Variants in DLGAP2 observed in about 807,000 individuals in gnomAD.
DLGAP2 encodes the protein disks large-associated protein 2.
DLGAP2 carries 26 observed loss-of-function variants against 100.3 expected under a neutral mutation model. The ratio of observed to expected loss-of-function variants is 0.26; its 90% confidence interval spans 0.19 to 0.36. The LOEUF (loss-of-function observed/expected upper bound fraction) is 0.36. DLGAP2 is among the 10% of genes least tolerant of loss of function. The pLI is 1.00. For synonymous variants in DLGAP2, 886 were observed against 630.1 expected (o/e 1.41, Z -6.08); for missense variants, 1,858 against 1,453.2 (o/e 1.28, Z -4.53).
At chr8:1,701,092 G>C in intron 14 of DLGAP2, 96 bp from the exon 15 acceptor site, 2 of 1,157,832 alleles carry the variant, frequency 1.7e-6, no homozygotes, top group Non-Finnish European at 2.4e-6. Flanking sequence ...GGCTGCGGTC[G>C]GGAAGGGTCA....
chr8:1,062,535 C>T (rs534118698), intron 2 of DLGAP2, among the ~76,000 whole-genome samples: 37 of 152,320 alleles, frequency 2.4e-4, no homozygotes, highest in African/African-American at 8.2e-4. Context: ...CTGGAACGTC[C>T]ACTTCCCCTG....
intron 3 of DLGAP2, among the ~76,000 whole-genome samples, chr8:1,441,650 T>C: frequency 7.0e-6 from 1 of 142,540 alleles, no homozygotes; most frequent in South Asian, 2.2e-4. Flanking sequence ...ATCACACCAC[T>C]GCACTCCAGC....
intron 14 of DLGAP2, among the ~76,000 whole-genome samples, chr8:1,700,354 CCT>C (rs1799532615): frequency 6.6e-6 from 1 of 151,926 alleles, no homozygotes; most frequent in Non-Finnish European, 1.5e-5. Flanking sequence ...ACGGAGAGTC[CCT>C]GTCATGGCTC....
At chr8:1,194,032 T>C (rs1797697742) in intron 2 of DLGAP2, among the ~76,000 whole-genome samples, 1 of 152,076 alleles carries the variant, frequency 6.6e-6, no homozygotes, top group South Asian at 2.1e-4. Context: ...CGGGACCAAA[T>C]CCACGTACTG....
At chr8:1,599,357 G>A (rs1796554071) in intron 6 of DLGAP2, among the ~76,000 whole-genome samples, 1 of 152,182 alleles carries the variant, frequency 6.6e-6, no homozygotes, top group Non-Finnish European at 1.5e-5. Context: ...AGGGTGGAGA[G>A]TTATGTAGAT....
At chr8:1,529,862 A>T (rs1209362970) in intron 4 of DLGAP2, among the ~76,000 whole-genome samples, 1 of 152,220 alleles carries the variant, frequency 6.6e-6, no homozygotes, top group East Asian at 1.9e-4. Context: ...GGTACGTTCC[A>T]TGATGCCCCA....
chr8:1,667,759 A>G (rs1798581838), intron 8 of DLGAP2, among the ~76,000 whole-genome samples: 1 of 152,212 alleles, frequency 6.6e-6, no homozygotes, highest in Non-Finnish European at 1.5e-5. Flanking sequence ...TTCTGAACCT[A>G]GTGTGATAGA....
intron 2 of DLGAP2, among the ~76,000 whole-genome samples, chr8:1,156,544 A>C (rs975599530): frequency 4.6e-5 from 7 of 151,438 alleles, no homozygotes; most frequent in Admixed American, 3.3e-4. Flanking sequence ...GACTCCCCCA[A>C]ATCCCGGCCA....
At chr8:1,171,990 A>T (rs2116678940) in intron 2 of DLGAP2, among the ~76,000 whole-genome samples, 1 of 152,192 alleles carries the variant, frequency 6.6e-6, no homozygotes, top group Non-Finnish European at 1.5e-5. Context: ...GATGGTCTTT[A>T]CATTTTGGCA....
intron 3 of DLGAP2, among the ~76,000 whole-genome samples, chr8:1,374,786 G>A (rs76287713): frequency 1.8e-4 from 28 of 152,292 alleles, no homozygotes; most frequent in East Asian, 7.7e-4. Context: ...GGCACCTAAC[G>A]TCAAGGCTTC....
intron 2 of DLGAP2, among the ~76,000 whole-genome samples, chr8:1,092,407 C>T (rs762615226): frequency 6.6e-6 from 1 of 152,220 alleles, no homozygotes; most frequent in Non-Finnish European, 1.5e-5. Flanking sequence ...GTCAGCGATC[C>T]CGGGGCTGGC....
chr8:881,680 CACT>C (rs1797800074), intron 1 of DLGAP2, among the ~76,000 whole-genome samples: 1 of 53,452 alleles, frequency 1.9e-5, no homozygotes, highest in African/African-American at 6.3e-5. Context: ...CACACACACA[CACT>C]TTTTTTTTTT....
At chr8:1,439,384 C>T (rs1797757859) in intron 3 of DLGAP2, among the ~76,000 whole-genome samples, 2 of 152,150 alleles carry the variant, frequency 1.3e-5, no homozygotes, top group South Asian at 2.1e-4. Context: ...CACGGTCCTG[C>T]CGTGTACCCT....
intron 2 of DLGAP2, among the ~76,000 whole-genome samples, chr8:975,829 C>G (rs1228194516): frequency 1.3e-5 from 2 of 152,112 alleles, no homozygotes; most frequent in Non-Finnish European, 2.9e-5. Flanking sequence ...GCAAAACACT[C>G]TTACCATGTT....
intron 2 of DLGAP2, among the ~76,000 whole-genome samples, chr8:962,002 TG>T (rs909714599): frequency 1.3e-4 from 20 of 152,236 alleles, no homozygotes; most frequent in Non-Finnish European, 7.3e-5. Context: ...CACAGAGATT[TG>T]ATTGGTTTCA....
At position 1,073,903 on chromosome 8, in the gene DLGAP2, C is replaced by T. The variant is rs988120052; in HGVS notation, c.73+165937C>T. The stretch of plus-strand genomic sequence containing the variant: ...CCTTCAGACTGAGACTGAACTCACC[C>T]GGCTGCGTATTCAGGATTCACTGTA... On this transcript the variant is annotated intron_variant, in intron 2 of 14. Coordinates refer to ENST00000637795, the MANE Select transcript of DLGAP2 (RefSeq NM_001346810.2). 1.1e-4 allele frequency among the ~76,000 whole-genome samples: 17 copies of T among 152,336 alleles called. No homozygotes were observed. The East Asian group carries it at 1.9e-3, about 17-fold the overall frequency.
intron 1 of DLGAP2, among the ~76,000 whole-genome samples, chr8:845,598 T>A (rs1797057927): frequency 6.6e-6 from 1 of 152,234 alleles, no homozygotes; most frequent in African/African-American, 2.4e-5. Flanking sequence ...TTCTTCCCAT[T>A]CTATAGGGTG....
In DLGAP2 at chr8:1,593,088, G is replaced by A. The variant is rs958790868; in HGVS notation, c.1442+27194G>A. On this transcript the variant is annotated intron_variant, in intron 6 of 14. Transcript: ENST00000637795. ...TTTCAACAAGATAATGGAGTAGGAAGGTCTGGGCCCTCCTTCCCCTCAACA... is the reference window on the plus strand; with the variant it reads ...TTTCAACAAGATAATGGAGTAGGAAAGTCTGGGCCCTCCTTCCCCTCAACA... Among the ~76,000 whole-genome samples the A allele has an allele frequency of 5.9e-5, 9 of 152,110 alleles. No homozygotes were observed. The East Asian group carries it at 1.7e-3, about 29-fold the overall frequency.
At position 1,259,927 on chromosome 8, in the gene DLGAP2, C is replaced by T. The variant is rs1355238993; in HGVS notation, c.106+1044C>T. 3 of 152,166 alleles carry T rather than the reference C, an allele frequency of 2.0e-5. No individual in the cohort carries two copies. In the East Asian group the frequency reaches 5.8e-4, roughly 29 times the overall value. The allele number at this position is 152,166 out of a possible 1,614,324, so 9.4% of individuals were successfully genotyped here. ...TGTGTCATTTAGTAGTCATGGAAAGCACAGATATATCCATGGTAAAGTCAG... is the reference window on the plus strand; with the variant it reads ...TGTGTCATTTAGTAGTCATGGAAAGTACAGATATATCCATGGTAAAGTCAG... On this transcript the variant is annotated intron_variant, in intron 3 of 14. Coordinates refer to ENST00000637795, the MANE Select transcript of DLGAP2 (RefSeq NM_001346810.2).
Sources: allele counts gnomAD v4.1 joint callset (sites outside exome capture counted in the v4.1 genomes callset), GRCh38; gene constraint gnomAD v4.1.1; transcripts MANE v1.5; gene names NCBI Gene and HGNC (gene_info 2026-07-23, HGNC 2026-07-21).